Variants in GPHN observed in about 807,000 individuals in gnomAD.
The protein encoded by GPHN is gephyrin.
GPHN carries 17 observed loss-of-function variants against 95.5 expected under a neutral mutation model. That is an observed-to-expected ratio of 0.18 (90% CI 0.12 to 0.27). The LOEUF (loss-of-function observed/expected upper bound fraction) is 0.27, where lower values mean the gene tolerates loss of function less well. GPHN is among the 10% of genes least tolerant of loss of function. GPHN has a pLI of 1.00. For synonymous variants in GPHN, 320 were observed against 322.5 expected (o/e 0.99, Z 0.08); for missense variants, 660 against 978.1 (o/e 0.67, Z 4.34).
chr14:66,590,617 C>T (rs1307657228), intron 1 of GPHN, among the ~76,000 whole-genome samples: 2 of 152,098 alleles, frequency 1.3e-5, no homozygotes, highest in African/African-American at 2.4e-5. Flanking sequence ...GAAGTTGAAT[C>T]CCTGAATAGA....
At chr14:67,301,862 T>G in the GPHN span, 342 of 1,203,220 alleles carry the variant, frequency 2.8e-4, no homozygotes, top group Non-Finnish European at 3.7e-4. Context: ...TAATTAATTA[T>G]AACACTTTTA....
chr14:67,688,869 C>T, the GPHN span, among the ~76,000 whole-genome samples: 1 of 152,146 alleles, frequency 6.6e-6, no homozygotes, highest in Non-Finnish European at 1.5e-5. Flanking sequence ...GAGACTATAC[C>T]TATCTTGTTC....
intron 11 of GPHN, among the ~76,000 whole-genome samples, chr14:67,084,639 G>A (rs191066221): frequency 2.0e-5 from 3 of 152,302 alleles, no homozygotes; most frequent in East Asian, 1.9e-4. Flanking sequence ...GGCCCTACGG[G>A]TATTTTTGTC....
intron 2 of GPHN, among the ~76,000 whole-genome samples, chr14:66,747,901 GTGAAC>G (rs969937079): frequency 5.9e-5 from 9 of 151,916 alleles, no homozygotes; most frequent in African/African-American, 1.4e-4. Flanking sequence ...TACTTAGGTA[GTGAAC>G]TATAGTGTTA....
chr14:67,132,868 T>A (rs572645871), intron 17 of GPHN, among the ~76,000 whole-genome samples: 2 of 151,008 alleles, frequency 1.3e-5, no homozygotes, highest in Non-Finnish European at 3.0e-5. Flanking sequence ...TATAAATATA[T>A]GATATATATT....
intron 4 of GPHN, among the ~76,000 whole-genome samples, chr14:66,862,942 T>C (rs886613834): frequency 1.3e-5 from 2 of 152,116 alleles, no homozygotes; most frequent in Admixed American, 1.3e-4. Flanking sequence ...CTGTCAGCAC[T>C]ATTATTCAGC....
intron 1 of GPHN, among the ~76,000 whole-genome samples, chr14:66,630,865 C>T (rs1468497092): frequency 2.0e-5 from 3 of 152,130 alleles, no homozygotes; most frequent in Non-Finnish European, 4.4e-5. Flanking sequence ...TTGACTTGAT[C>T]ATAGCTGTCA....
chr14:67,448,045 T>C, the GPHN span: 1 of 150,482 alleles, frequency 6.6e-6, no homozygotes, highest in Non-Finnish European at 1.5e-5. Context: ...AAATTTTGCA[T>C]GAGAAAGAAA....
At chr14:67,526,738 A>C in the GPHN span, among the ~76,000 whole-genome samples, 1 of 152,068 alleles carries the variant, frequency 6.6e-6, no homozygotes, top group Non-Finnish European at 1.5e-5. Flanking sequence ...AGGGTCCTTG[A>C]AGAAAACAAA....
the GPHN span, chr14:67,645,717 C>T: frequency 1.2e-6 from 2 of 1,613,990 alleles, no homozygotes; most frequent in African/African-American, 1.3e-5. Context: ...GATGCCCATG[C>T]TGACATCAAC....
chr14:67,421,662 A>G, the GPHN span, among the ~76,000 whole-genome samples: 1 of 152,188 alleles, frequency 6.6e-6, no homozygotes, highest in African/African-American at 2.4e-5. Flanking sequence ...CCTAGCCATT[A>G]ACTCACCTGT....
chr14:67,285,747 T>C, the GPHN span, among the ~76,000 whole-genome samples: 1 of 152,124 alleles, frequency 6.6e-6, no homozygotes, highest in South Asian at 2.1e-4. Context: ...CATTGGAAAG[T>C]AGGATTTTCT....
At chr14:67,725,175 G>C in the GPHN span, 5 of 1,614,176 alleles carry the variant, frequency 3.1e-6, no homozygotes, top group Non-Finnish European at 4.2e-6. Context: ...TGGATACAAA[G>C]AACTCCCAGG....
intron 2 of GPHN, among the ~76,000 whole-genome samples, chr14:66,684,255 A>T (rs1261256936): frequency 1.3e-5 from 2 of 152,174 alleles, no homozygotes; most frequent in African/African-American, 4.8e-5. Context: ...AAGACAGAAT[A>T]ATAGAGCAAG....
intron 10 of GPHN, among the ~76,000 whole-genome samples, chr14:67,032,718 C>T (rs555479739): frequency 2.6e-5 from 4 of 152,252 alleles, no homozygotes; most frequent in South Asian, 2.1e-4. Flanking sequence ...CACATTCCCC[C>T]GCTTTCAAAA....
chr14:66,716,732 G>A (rs780058386), intron 2 of GPHN, among the ~76,000 whole-genome samples: 1 of 152,124 alleles, frequency 6.6e-6, no homozygotes, highest in East Asian at 1.9e-4. Flanking sequence ...GAATTTTCTC[G>A]GCAGTTGTTT....
At chr14:67,131,097 G>A (rs2079673957) in intron 17 of GPHN, among the ~76,000 whole-genome samples, 1 of 152,124 alleles carries the variant, frequency 6.6e-6, no homozygotes, top group Non-Finnish European at 1.5e-5. Flanking sequence ...AAGAAATGTA[G>A]ATGGGTAAAT....
At chr14:67,016,280 A>G (rs947574230) in intron 9 of GPHN, among the ~76,000 whole-genome samples, 6 of 152,030 alleles carry the variant, frequency 3.9e-5, no homozygotes, top group Non-Finnish European at 7.4e-5. Context: ...TAACATTAGA[A>G]AACCAATTCA....
At chr14:67,317,454 T>C in the GPHN span, 31 of 1,611,252 alleles carry the variant, frequency 1.9e-5, no homozygotes, top group East Asian at 4.5e-5. Flanking sequence ...GGAAAAAGGT[T>C]TTATATAATG....
Sources: gnomAD v4.1 joint callset for allele counts (sites outside exome capture counted in the v4.1 genomes callset) on GRCh38, gnomAD v4.1.1 for gene constraint, MANE v1.5 for transcripts, NCBI Gene and HGNC (gene_info 2026-07-23, HGNC 2026-07-21) for gene names.